The following SCN2A variants were observed in gnomAD, a reference collection of about 807,000 sequenced individuals.
The protein encoded by SCN2A is sodium channel protein type 2 subunit alpha.
A neutral mutation model predicts 188.7 loss-of-function variants in SCN2A; 20 were observed. The observed-to-expected ratio is 0.11, with a 90% confidence interval of 0.07 to 0.15. The LOEUF is 0.15. SCN2A is among the 10% of genes least tolerant of loss of function. The pLI, the probability that SCN2A is intolerant of heterozygous loss-of-function variation, is 1.00. For synonymous variants in SCN2A, 804 were observed against 833.1 expected (o/e 0.97, Z 0.60); for missense variants, 1,278 against 2,445.0 (o/e 0.52, Z 10.07).
chr2:165,296,459 T>G, intron 2 of SCN2A: 1 of 262,802 alleles, frequency 3.8e-6, no homozygotes, highest in East Asian at 9.4e-5. Context: ...AAATTTTATT[T>G]TTTATATTTG....
Position 165,297,155 on chromosome 2 carries a change from C to A in SCN2A, c.386+20C>A. On this transcript the variant is annotated intron_variant, in intron 3 of 26. Transcript: ENST00000375437. ...ACATTCATATCCTTTTTCAAATCGT[C>A]ACTTAATATGATTTTCTTCTTTGAC... 7.4e-7 allele frequency: 1 copy of A among 1,357,928 alleles called. No homozygotes were observed. The highest frequency in any genetic ancestry group is 1.2e-5 in the South Asian group (1 of 85,344). 84.1% of individuals were successfully genotyped at this position (1,357,928 alleles called of 1,614,324 possible). A position where few individuals can be genotyped will look rare whatever the true frequency, so the allele number is the denominator to read the frequency against.
intron 1 of SCN2A, chr2:165,290,915 C>T (rs775526794): frequency 2.0e-5 from 6 of 293,358 alleles, no homozygotes; most frequent in Non-Finnish European, 3.0e-5. Flanking sequence ...GAGAATGTGA[C>T]TAGAGCACGC....
intron 22 of SCN2A, among the ~76,000 whole-genome samples, chr2:165,377,245 C>A (rs1449504527): frequency 6.6e-6 from 1 of 151,936 alleles, no homozygotes; most frequent in African/African-American, 2.4e-5. Flanking sequence ...GAGCTTGTCT[C>A]ATGCTGCTAC....
intron 3 of SCN2A, among the ~76,000 whole-genome samples, chr2:165,304,862 A>C (rs1201191577): frequency 6.6e-6 from 1 of 152,250 alleles, no homozygotes; most frequent in Non-Finnish European, 1.5e-5. Context: ...ACTCTGTGTT[A>C]AGACATTTGA....
chr2:165,342,191 A>G (rs1271591955), intron 14 of SCN2A, 105 bp from the exon 15 acceptor site: 3 of 1,139,112 alleles, frequency 2.6e-6, no homozygotes, highest in Non-Finnish European at 3.8e-6. Flanking sequence ...CAATTTTTTA[A>G]AATCAGAATT....
intron 1 of SCN2A, chr2:165,240,232 C>T (rs936891555): frequency 6.6e-6 from 1 of 152,188 alleles, no homozygotes; most frequent in African/African-American, 2.4e-5. Flanking sequence ...GACCCTCCCT[C>T]CTCCCCCAGT....
At chr2:165,267,544 A>C (rs1353292195) in intron 1 of SCN2A, 1 of 151,986 alleles carries the variant, frequency 6.6e-6, no homozygotes, top group African/African-American at 2.4e-5. Context: ...AAAGTACTAG[A>C]AGAAAATATA....
At chr2:165,288,495 C>G (rs1695955137) in intron 1 of SCN2A, among the ~76,000 whole-genome samples, 1 of 147,382 alleles carries the variant, frequency 6.8e-6, no homozygotes, top group African/African-American at 2.5e-5. Flanking sequence ...TAAAAATAAA[C>G]TATAAAAAAT....
At chr2:165,291,530 T>TTTCTTTCTTTCTC in intron 1 of SCN2A, among the ~76,000 whole-genome samples, 1 of 27,440 alleles carries the variant, frequency 3.6e-5, no homozygotes, top group Non-Finnish European at 8.0e-5. Flanking sequence ...CTTTCTTTCC[T>TTTCTTTCTTTCTC]TCCTTCCTTC....
chr2:165,294,027 A>AAG, intron 1 of SCN2A: 1 of 909,878 alleles, frequency 1.1e-6, no homozygotes, highest in Non-Finnish European at 1.3e-6. Flanking sequence ...AAAAAAAAAA[A>AAG]AAAAAAAAAA....
At chr2:165,342,272 T>C (rs1019559070) in intron 14 of SCN2A, 24 bp from the exon 15 acceptor site, 1 of 1,602,872 alleles carries the variant, frequency 6.2e-7, no homozygotes, top group Non-Finnish European at 8.5e-7. Context: ...TTTGCTCATA[T>C]AATGAACTAC....
chr2:165,350,460 C>CTTTTTTTTTTTTTTTTTTTTTTTTTTT (rs796595702), intron 16 of SCN2A, among the ~76,000 whole-genome samples: 1 of 77,918 alleles, frequency 1.3e-5, no homozygotes, highest in Admixed American at 1.6e-4. Flanking sequence ...GAACTGTTTT[C>CTTTTTTTTTTTTTTTTTTTTTTTTTTT]TTTCTTTTTT....
intron 1 of SCN2A, among the ~76,000 whole-genome samples, chr2:165,291,601 T>TCTCTCTCTCTCTCTCTCTCTCTC (rs1559340877): frequency 2.3e-5 from 2 of 86,722 alleles, no homozygotes; most frequent in Admixed American, 1.5e-4. Flanking sequence ...CTCTCTCTCT[T>TCTCTCTCTCTCTCTCTCTCTCTC]TCTTTCTTTG....
At chr2:165,363,025 C>T (rs7589423) in intron 17 of SCN2A, among the ~76,000 whole-genome samples, 46,283 of 151,972 alleles carry the variant, frequency 0.3, 7,336 homozygotes, top group Middle Eastern at 0.48. Context: ...TACTTGGCAG[C>T]AGGAGTGATA....
intron 1 of SCN2A, among the ~76,000 whole-genome samples, chr2:165,292,815 C>T (rs1249064024): frequency 2.0e-5 from 3 of 152,128 alleles, no homozygotes; most frequent in Admixed American, 6.5e-5. Context: ...GTCCTTACTT[C>T]AGTTTGCAAA....
intron 1 of SCN2A, chr2:165,270,090 C>A (rs1199877131): frequency 6.6e-6 from 1 of 152,008 alleles, no homozygotes; most frequent in Non-Finnish European, 1.5e-5. Context: ...TTAATGTTAT[C>A]CCTCTTGATT....
chr2:165,296,792 T>C (rs1696534658), intron 2 of SCN2A: 2 of 337,562 alleles, frequency 5.9e-6, no homozygotes, highest in Admixed American at 4.4e-5. Context: ...TCCTATGGCA[T>C]TGATCACAAA....
At position 165,365,218 on chromosome 2, in the gene SCN2A, G is replaced by A. The variant is rs1422593984; in HGVS notation, c.3475G>A (p.Val1159Ile). Reference sequence around the variant, plus strand: ...TCCCGCCGAGGGAGAACAGCCTGAGGTTGAACCTGAGGAATCCCTTGAACC... The same window carrying A: ...TCCCGCCGAGGGAGAACAGCCTGAGATTGAACCTGAGGAATCCCTTGAACC... ...GAPAEGEQPEVEPEESLEPEA... is the reference protein window; with the variant it reads ...GAPAEGEQPEIEPEESLEPEA... Residue 1159 changes from valine (V) to isoleucine (I), a missense_variant, in exon 18 of 27, where the codon GTT (valine) becomes ATT (isoleucine). By Grantham distance (29) the Val-to-Ile change is conservative (BLOSUM62 3). Coordinates refer to ENST00000375437, the MANE Select transcript of SCN2A (RefSeq NM_001040142.2). 1 of 1,614,036 alleles carries A rather than the reference G, an allele frequency of 6.2e-7. No homozygotes were observed. The highest frequency in any genetic ancestry group is 1.3e-5 in the African/African-American group (1 of 75,050).
At chr2:165,345,788 G>A (rs1032544218) in intron 16 of SCN2A, among the ~76,000 whole-genome samples, 1 of 152,066 alleles carries the variant, frequency 6.6e-6, no homozygotes. Context: ...TAGCTGCTGC[G>A]GTTTTTTCAT....
Sources: gnomAD v4.1 joint callset for allele counts (sites outside exome capture counted in the v4.1 genomes callset) on GRCh38, gnomAD v4.1.1 for gene constraint, MANE v1.5 for transcripts, NCBI Gene and HGNC (gene_info 2026-07-23, HGNC 2026-07-21) for gene names.